DHX57: variants seen among roughly 807,000 people sequenced by gnomAD.
DHX57 encodes the protein putative ATP-dependent RNA helicase DHX57.
In DHX57, 105 loss-of-function variants were observed where a neutral mutation model predicts 156.2. The ratio of observed to expected loss-of-function variants is 0.67; its 90% CI spans 0.57 to 0.79. The LOEUF is 0.79. DHX57 is among the 30% of genes least tolerant of loss of function. DHX57 has a pLI of 0.00. For missense variants in DHX57, 1,847 were observed against 1,661.9 expected, an observed-to-expected ratio of 1.11 and a Z score of -1.94; for synonymous variants, 704 against 595.6, an observed-to-expected ratio of 1.18 and a Z score of -2.65.
intron 20 of DHX57, 92 bp downstream of exon 20, chr2:38,815,429 A>C (rs1457117044): frequency 7.9e-6 from 12 of 1,524,226 alleles, no homozygotes; most frequent in Non-Finnish European, 1.1e-5. Flanking sequence ...TCAAAGGCTT[A>C]AGTGAAGAAG....
intron 1 of DHX57, among the ~76,000 whole-genome samples, chr2:38,869,149 T>C (rs1665234276): frequency 6.6e-6 from 1 of 152,218 alleles, no homozygotes; most frequent in Non-Finnish European, 1.5e-5. Flanking sequence ...ATGTATTTAA[T>C]ATATGTTTTG....
In DHX57 at chr2:38,837,931, G is replaced by T; in HGVS notation, c.2442C>A (p.Val814=). Residue 814 remains valine (V), a synonymous_variant, in exon 13 of 24, where the codon GTC becomes GTA. Coordinates refer to ENST00000457308, the MANE Select transcript of DHX57 (RefSeq NM_198963.3). ...LARYKGVSKS[V]IKTMSIMDFE... is the part of the protein sequence containing the mutation. ...AATCCATGATGGACATTGTTTTGAT[G>T]ACTGACTTGCTAACCCCTGAAAGAA... 6.2e-7 allele frequency: 1 copy of T among 1,611,126 alleles called. No homozygotes were observed. Among genetic ancestry groups the T allele is most frequent in the South Asian group, 1.1e-5 (1 of 90,990 alleles).
chr2:38,835,403 C>T (rs1021210266), intron 13 of DHX57, among the ~76,000 whole-genome samples: 11 of 152,180 alleles, frequency 7.2e-5, no homozygotes, highest in African/African-American at 2.7e-4. Context: ...TCTGGTTGTA[C>T]AAGAAAGGCT....
At chr2:38,807,059 G>T (rs1379902521) in intron 21 of DHX57, among the ~76,000 whole-genome samples, 19 of 146,744 alleles carry the variant, frequency 1.3e-4, no homozygotes, top group African/African-American at 3.0e-4. Context: ...TTCTTGTTTT[G>T]TTTTGTTTTT....
chr2:38,808,154 C>T (rs950527565), intron 21 of DHX57, among the ~76,000 whole-genome samples: 3 of 149,544 alleles, frequency 2.0e-5, no homozygotes, highest in Non-Finnish European at 4.4e-5. Flanking sequence ...AGGGTTTCAC[C>T]ATGTTGGTCA....
chr2:38,810,351 A>G (rs1381977849), intron 21 of DHX57: 14 of 450,192 alleles, frequency 3.1e-5, no homozygotes, highest in South Asian at 8.7e-5. Flanking sequence ...ACAAGTCACA[A>G]TTACAAATTA....
intron 20 of DHX57, among the ~76,000 whole-genome samples, chr2:38,814,600 G>A (rs751028243): frequency 5.9e-5 from 9 of 152,100 alleles, no homozygotes; most frequent in Non-Finnish European, 8.8e-5. Context: ...GCTGTCTTTT[G>A]TTAGAAAAAA....
At chr2:38,854,026 G>A (rs748742287) in intron 9 of DHX57, 28 bp downstream of exon 9, 1 of 1,588,670 alleles carries the variant, frequency 6.3e-7, no homozygotes, top group Non-Finnish European at 8.6e-7. Context: ...AGGTGAGTGT[G>A]TGTTCCCTGG....
chr2:38,826,935 A>C (rs2148565488), intron 14 of DHX57, among the ~76,000 whole-genome samples: 1 of 152,230 alleles, frequency 6.6e-6, no homozygotes, highest in South Asian at 2.1e-4. Context: ...GTTTGAGATC[A>C]GCCTAGCCAA....
At chr2:38,816,218 A>ATTT in intron 19 of DHX57, 7 of 439,862 alleles carry the variant, frequency 1.6e-5, no homozygotes, top group Admixed American at 2.5e-5. Flanking sequence ...GTGATTCAAT[A>ATTT]TTTTTTTTTT....
At chr2:38,809,111 A>G (rs1458668637) in intron 21 of DHX57, among the ~76,000 whole-genome samples, 1 of 151,934 alleles carries the variant, frequency 6.6e-6, no homozygotes, top group Non-Finnish European at 1.5e-5. Flanking sequence ...ATAATTTTTA[A>G]AAAGTTTTGC....
chr2:38,857,073 G>A (rs752304114), intron 6 of DHX57: 19 of 153,974 alleles, frequency 1.2e-4, no homozygotes, highest in Non-Finnish European at 2.2e-4. Flanking sequence ...AGAACTTTCC[G>A]TGTTGATGGA....
intron 9 of DHX57, among the ~76,000 whole-genome samples, chr2:38,850,991 C>T (rs977345120): frequency 1.6e-4 from 25 of 151,916 alleles, no homozygotes; most frequent in African/African-American, 2.4e-4. Flanking sequence ...GCAGGAGGAT[C>T]GCTTGAACCT....
chr2:38,826,093 T>C, intron 15 of DHX57, 46 bp from the exon 16 acceptor site: 9 of 1,566,350 alleles, frequency 5.7e-6, no homozygotes, highest in Non-Finnish European at 7.8e-6. Context: ...TATAAAAACA[T>C]GGCCAAGACT....
intron 1 of DHX57, among the ~76,000 whole-genome samples, chr2:38,874,361 G>C (rs1015933229): frequency 6.6e-6 from 1 of 150,620 alleles, no homozygotes; most frequent in African/African-American, 2.4e-5. Context: ...AAAGTGCTGA[G>C]ATTACCGGCA....
At chr2:38,826,103 T>C in intron 15 of DHX57, 56 bp from the exon 16 acceptor site, 1 of 1,536,820 alleles carries the variant, frequency 6.5e-7, no homozygotes, top group South Asian at 1.2e-5. Flanking sequence ...TGGCCAAGAC[T>C]GCTTGCTATG....
chr2:38,815,775 A>G (rs1018985815), intron 19 of DHX57, 120 bp from the exon 20 acceptor site: 27 of 1,234,180 alleles, frequency 2.2e-5, no homozygotes, highest in Middle Eastern at 4.1e-4. Context: ...GCTCAAGTGG[A>G]TTCATTCCTC....
chr2:38,859,400 A>G (rs1459831505), intron 5 of DHX57, among the ~76,000 whole-genome samples: 1 of 152,200 alleles, frequency 6.6e-6, no homozygotes, highest in Non-Finnish European at 1.5e-5. Context: ...AGAGACTGCT[A>G]TGGGTACATG....
In DHX57 at chr2:38,835,246, G is replaced by C. The variant is rs893182005; in HGVS notation, c.2542+2585C>G. Among the ~76,000 whole-genome samples the C allele has an allele frequency of 2.0e-5, 3 of 152,340 alleles. No homozygotes were observed. The East Asian group carries it at 5.8e-4, about 29-fold the overall frequency. Reference sequence around the variant, plus strand: ...AAAGGACATTTATTAGTAAGGAAGAGAAGTGAGTACCAGGATTTAAGGCAG... The same window carrying C: ...AAAGGACATTTATTAGTAAGGAAGACAAGTGAGTACCAGGATTTAAGGCAG... On this transcript the variant is annotated intron_variant, in intron 13 of 23. Coordinates refer to ENST00000457308, the MANE Select transcript of DHX57 (RefSeq NM_198963.3).
Sources: gnomAD v4.1 joint callset for allele counts (sites outside exome capture counted in the v4.1 genomes callset) on GRCh38, gnomAD v4.1.1 for gene constraint, MANE v1.5 for transcripts, NCBI Gene and HGNC (gene_info 2026-07-23, HGNC 2026-07-21) for gene names.